Variants in NCOA2 observed in about 807,000 individuals in gnomAD.
The protein encoded by NCOA2 is nuclear receptor coactivator 2.
Under a neutral mutation model 145.1 loss-of-function variants are expected in NCOA2, and 21 were observed. The observed-to-expected ratio is 0.14, with a 90% CI of 0.10 to 0.21. The LOEUF is 0.21. Ranked by LOEUF, NCOA2 falls within the 10% of genes least tolerant of loss-of-function variation. The pLI, the probability that NCOA2 is intolerant of heterozygous loss-of-function variation, is 1.00. For synonymous variants in NCOA2, 619 were observed against 637.5 expected (o/e 0.97, Z 0.44); for missense variants, 1,472 against 1,837.6 (o/e 0.80, Z 3.64).
chr8:70,251,964 T>A (rs950633027), intron 2 of NCOA2, among the ~76,000 whole-genome samples: 1 of 152,204 alleles, frequency 6.6e-6, no homozygotes, highest in Non-Finnish European at 1.5e-5. Flanking sequence ...GATGCTCAAG[T>A]TCCTGATATA....
the NCOA2 span, among the ~76,000 whole-genome samples, chr8:70,410,202 T>C: frequency 6.6e-6 from 1 of 151,928 alleles, no homozygotes; most frequent in Non-Finnish European, 1.5e-5. Context: ...AGAGTGAGAT[T>C]CTTGTCCAAA....
At chr8:70,384,543 T>G (rs1812494511) in intron 1 of NCOA2, among the ~76,000 whole-genome samples, 1 of 152,244 alleles carries the variant, frequency 6.6e-6, no homozygotes, top group East Asian at 1.9e-4. Context: ...TGTCCACTTC[T>G]AAGTCCAACA....
chr8:70,388,384 T>C (rs1812862591), intron 1 of NCOA2, among the ~76,000 whole-genome samples: 1 of 152,200 alleles, frequency 6.6e-6, no homozygotes. Context: ...TTTTCCCTGA[T>C]GAAATCTCAT....
At chr8:70,312,927 C>A (rs1332025437) in intron 1 of NCOA2, among the ~76,000 whole-genome samples, 1 of 152,158 alleles carries the variant, frequency 6.6e-6, no homozygotes, top group African/African-American at 2.4e-5. Context: ...ACTGAAAAAT[C>A]TGGGGAGACT....
At chr8:70,219,420 T>C (rs1819936436) in intron 2 of NCOA2, among the ~76,000 whole-genome samples, 2 of 152,164 alleles carry the variant, frequency 1.3e-5, no homozygotes, top group South Asian at 4.1e-4. Flanking sequence ...TGTCCTCTTC[T>C]CAGAGCAACA....
At chr8:70,226,628 A>G (rs999048203) in intron 2 of NCOA2, among the ~76,000 whole-genome samples, 2 of 148,508 alleles carry the variant, frequency 1.3e-5, no homozygotes, top group Admixed American at 6.8e-5. Context: ...CTAAATCTGT[A>G]TAACTATACT....
chr8:70,164,586 A>G (rs1188133139), intron 7 of NCOA2, among the ~76,000 whole-genome samples: 1 of 152,140 alleles, frequency 6.6e-6, no homozygotes, highest in African/African-American at 2.4e-5. Flanking sequence ...TAACTACTAT[A>G]GGACCCCACA....
At chr8:70,321,792 C>T (rs1219757356) in intron 1 of NCOA2, among the ~76,000 whole-genome samples, 2 of 97,528 alleles carry the variant, frequency 2.1e-5, no homozygotes, top group East Asian at 5.3e-4. Flanking sequence ...TCAGAATATA[C>T]CTTTTTTTTT....
chr8:70,265,081 A>C (rs1476276109), intron 2 of NCOA2, among the ~76,000 whole-genome samples: 1 of 152,236 alleles, frequency 6.6e-6, no homozygotes, highest in Admixed American at 6.5e-5. Flanking sequence ...CTCAACGTCT[A>C]TGGGGCACAA....
chr8:70,454,482 C>T, the NCOA2 span, among the ~76,000 whole-genome samples: 1 of 152,204 alleles, frequency 6.6e-6, no homozygotes, highest in Non-Finnish European at 1.5e-5. Context: ...GAGTCCCTAA[C>T]TCCTAAAAAT....
intron 1 of NCOA2, among the ~76,000 whole-genome samples, chr8:70,312,282 A>G (rs1805193005): frequency 6.6e-6 from 1 of 152,212 alleles, no homozygotes; most frequent in African/African-American, 2.4e-5. Flanking sequence ...GTACAATTTT[A>G]GGCCTTTATA....
intron 2 of NCOA2, among the ~76,000 whole-genome samples, chr8:70,240,016 T>C (rs555341660): frequency 1.9e-4 from 29 of 152,248 alleles, no homozygotes; most frequent in African/African-American, 7.0e-4. Flanking sequence ...TCCTTCCAGA[T>C]TTCCATATCT....
intron 10 of NCOA2, among the ~76,000 whole-genome samples, chr8:70,159,242 A>ATATATATATATATATATATATATATATAT: frequency 3.3e-5 from 2 of 61,076 alleles, no homozygotes; most frequent in African/African-American, 1.1e-4. Context: ...ATATATATAT[A>ATATATATATATATATATATATATATATAT]TTTTTTTTTT....
At chr8:70,443,969 G>A in the NCOA2 span, among the ~76,000 whole-genome samples, 1 of 152,078 alleles carries the variant, frequency 6.6e-6, no homozygotes, top group East Asian at 1.9e-4. Flanking sequence ...GCACACACGC[G>A]TGCTTGCACA....
intron 1 of NCOA2, among the ~76,000 whole-genome samples, chr8:70,332,842 A>C (rs1024994622): frequency 1.3e-5 from 2 of 152,216 alleles, no homozygotes; most frequent in African/African-American, 4.8e-5. Flanking sequence ...TGCTTAATAC[A>C]GAGAAGAATA....
At chr8:70,430,873 A>C in the NCOA2 span, among the ~76,000 whole-genome samples, 1 of 152,230 alleles carries the variant, frequency 6.6e-6, no homozygotes, top group Non-Finnish European at 1.5e-5. Flanking sequence ...TAAAAAAGGT[A>C]TGTTGAGTTT....
At chr8:70,224,771 AATTT>A (rs1164118992) in intron 2 of NCOA2, among the ~76,000 whole-genome samples, 7 of 138,126 alleles carry the variant, frequency 5.1e-5, no homozygotes, top group South Asian at 2.1e-4. Flanking sequence ...ATATTTAATT[AATTT>A]ATTATATTAC....
At chr8:70,240,185 C>T (rs1414580482) in intron 2 of NCOA2, among the ~76,000 whole-genome samples, 1 of 152,156 alleles carries the variant, frequency 6.6e-6, no homozygotes, top group Non-Finnish European at 1.5e-5. Context: ...TTCTTGCTTC[C>T]ACCATTTACT....
intron 2 of NCOA2, among the ~76,000 whole-genome samples, chr8:70,255,611 GT>G (rs1823573870): frequency 6.6e-6 from 1 of 152,076 alleles, no homozygotes; most frequent in Admixed American, 6.5e-5. Context: ...AATCTATCAC[GT>G]TCGGCACATA....
Sources: gnomAD v4.1 joint callset for allele counts (sites outside exome capture counted in the v4.1 genomes callset) on GRCh38, gnomAD v4.1.1 for gene constraint, MANE v1.5 for transcripts, NCBI Gene and HGNC (gene_info 2026-07-23, HGNC 2026-07-21) for gene names.